GRIP2: variants seen among roughly 807,000 people sequenced by gnomAD.
GRIP2 encodes the protein glutamate receptor interacting protein 2.
Under a neutral mutation model 108.3 loss-of-function variants are expected in GRIP2, and 58 were observed. That is an observed-to-expected ratio of 0.54 (90% CI 0.43 to 0.67). The LOEUF (loss-of-function observed/expected upper bound fraction) is 0.67. Among genes scored for constraint, GRIP2 ranks in the 30% least tolerant of loss-of-function variants. GRIP2 has a pLI of 0.00. For missense variants in GRIP2, 1,278 were observed against 1,430.6 expected (o/e 0.89, Z 1.72); for synonymous variants, 586 against 598.2 (o/e 0.98, Z 0.30).
At chr3:14,545,011 G>A (rs978036403), upstream of GRIP2, among the ~76,000 whole-genome samples, 1 of 152,186 alleles carries the variant, frequency 6.6e-6, no homozygotes, top group African/African-American at 2.4e-5. Flanking sequence ...GCCCCAAGCT[G>A]TGAGCCTCAG....
intron 10 of GRIP2, among the ~76,000 whole-genome samples, chr3:14,517,446 C>T (rs938898570): frequency 1.4e-5 from 2 of 147,724 alleles, no homozygotes; most frequent in Non-Finnish European, 3.0e-5. Context: ...GCCAATCTTG[C>T]CACTGGCATG....
rs1003091022 is a variant in GRIP2 at position 14,522,591 on chromosome 3, G to T, written c.566+409C>A. 4.2e-5 allele frequency: 7 copies of T among 166,312 alleles called. No individual in the cohort carries two copies. The highest frequency in any genetic ancestry group is 1.7e-4 in the African/African-American group (7 of 41,726). 10.3% of individuals were successfully genotyped at this position (166,312 alleles called of 1,614,324 possible). On this transcript the variant is annotated intron_variant, in intron 6 of 23. Transcript: ENST00000621039. This position sits in a 1 kb window ranked among gnomAD's most constrained non-coding sequence, Gnocchi z 4.3. ...CCCTTCTGGGCTGGGCCCAGGCGGGGCCGAGCTGGGTCGATCAGCCAGGAC... is the reference window on the plus strand; with the variant it reads ...CCCTTCTGGGCTGGGCCCAGGCGGGTCCGAGCTGGGTCGATCAGCCAGGAC...
Position 14,511,070 on chromosome 3 carries a change from C to G in GRIP2, c.1933+95G>C. Reference sequence around the variant, plus strand: ...CCTTCAGCAGCGCCCACCACCCTCCCTTCCTCGGCTGGAGGGAGCCCTGAA... The same window carrying G: ...CCTTCAGCAGCGCCCACCACCCTCCGTTCCTCGGCTGGAGGGAGCCCTGAA... On this transcript the variant is annotated intron_variant, in intron 16 of 23. Transcript: ENST00000621039. This position sits in a 1 kb window ranked among gnomAD's most constrained non-coding sequence, Gnocchi z 4.1. 2.1e-6 allele frequency: 3 copies of G among 1,445,600 alleles called. No individual in the cohort carries two copies. In the African/African-American group the frequency reaches 4.2e-5, roughly 20 times the overall value. 89.5% of individuals were successfully genotyped at this position (1,445,600 alleles called of 1,614,324 possible). A position where few individuals can be genotyped will look rare whatever the true frequency, so the allele number is the denominator to read the frequency against.
At chr3:14,494,066 C>T (rs1693501119) in intron 23 of GRIP2, among the ~76,000 whole-genome samples, 1 of 152,210 alleles carries the variant, frequency 6.6e-6, no homozygotes, top group Admixed American at 6.5e-5. Flanking sequence ...ACCCCTCTAA[C>T]TCTTGCTTTT....
intron 17 of GRIP2, 111 bp downstream of exon 17, chr3:14,509,709 G>A: frequency 3.6e-6 from 4 of 1,114,724 alleles, no homozygotes; most frequent in Non-Finnish European, 4.7e-6. Context: ...GTCACCCACA[G>A]TGTCAATGTT....
intron 1 of GRIP2, among the ~76,000 whole-genome samples, chr3:14,526,260 T>C (rs1208318379): frequency 1.3e-5 from 2 of 152,224 alleles, no homozygotes; most frequent in African/African-American, 2.4e-5. Context: ...ATAAGGAAGC[T>C]GGGGCTCAGA....
chr3:14,561,836 T>G, the GRIP2 span, among the ~76,000 whole-genome samples: 62,894 of 152,010 alleles, frequency 0.41, 14,056 homozygotes, highest in African/African-American at 0.59. Flanking sequence ...GGAGGCTGGG[T>G]GCAGACCCTC....
intron 4 of GRIP2, 177 bp from the exon 5 acceptor site, chr3:14,523,875 T>A (rs1694479656): frequency 5.0e-6 from 3 of 598,984 alleles, no homozygotes; most frequent in Non-Finnish European, 6.0e-6. Context: ...TCTCCCCTAA[T>A]CCCACTTAGC....
At chr3:14,591,735 G>A in the GRIP2 span, among the ~76,000 whole-genome samples, 4 of 152,144 alleles carry the variant, frequency 2.6e-5, no homozygotes, top group African/African-American at 9.7e-5. Flanking sequence ...GAAAGCTGTG[G>A]GCCCTCTATC....
chr3:14,555,488 C>T (rs1400226403), intron 1 of GRIP2, among the ~76,000 whole-genome samples: 9 of 151,928 alleles, frequency 5.9e-5, no homozygotes. Flanking sequence ...CAGAGACAGA[C>T]AGAGTGGGAG....
chr3:14,525,534 T>C lies in GRIP2; in HGVS notation c.160A>G (p.Lys54Glu), dbSNP rs778947755. The change falls in exon 3 of 24, where the codon AAA becomes GAA. Residue 54 changes from lysine (K) to glutamate (E), a missense_variant. Lys to Glu is a moderately conservative substitution (Grantham distance 56, BLOSUM62 1). Transcript: ENST00000621039. ...GTCAGGCCCAGCGTGCTGCCTTCTT[T>C]CTTGATCAGCTCCACCACAGTGATC... ...RGITVVELIK[K>E]EGSTLGLTIS... 78 of 1,613,734 alleles carry C rather than the reference T, an allele frequency of 4.8e-5. No homozygotes were observed. The highest frequency in any genetic ancestry group is 6.5e-5 in the Non-Finnish European group (77 of 1,179,866).
chr3:14,582,982 C>A, the GRIP2 span, among the ~76,000 whole-genome samples: 1 of 152,198 alleles, frequency 6.6e-6, no homozygotes, highest in African/African-American at 2.4e-5. Context: ...GTGAACAAGT[C>A]TTAACAACAA....
intron 3 of GRIP2, among the ~76,000 whole-genome samples, chr3:14,524,872 C>A (rs956011655): frequency 2.0e-5 from 3 of 152,246 alleles, no homozygotes; most frequent in African/African-American, 7.2e-5. Context: ...ACCAACCTTC[C>A]TGCTGTTCAA....
the GRIP2 span, among the ~76,000 whole-genome samples, chr3:14,598,572 A>G: frequency 6.6e-6 from 1 of 151,548 alleles, no homozygotes; most frequent in South Asian, 2.1e-4. Context: ...ACTCCCTACT[A>G]CCATCTCTAT....
chr3:14,563,015 A>T, the GRIP2 span, among the ~76,000 whole-genome samples: 1 of 151,136 alleles, frequency 6.6e-6, no homozygotes, highest in African/African-American at 2.5e-5. Flanking sequence ...GAGTGGGGGA[A>T]AAAAAAAAGG....
chr3:14,524,268 G>T, intron 4 of GRIP2, 125 bp downstream of exon 4: 2 of 1,133,012 alleles, frequency 1.8e-6, no homozygotes, highest in Non-Finnish European at 2.5e-6. Flanking sequence ...GATGCTTGTG[G>T]CCAGTCTCCA....
intron 20 of GRIP2, chr3:14,504,031 G>C (rs1195262766): frequency 3.6e-6 from 1 of 274,598 alleles, no homozygotes; most frequent in Non-Finnish European, 7.0e-6. Context: ...GACGGCCCCT[G>C]GCCCCACCCA....
intron 3 of GRIP2, among the ~76,000 whole-genome samples, chr3:14,524,967 G>A (rs73132034): frequency 1.2e-4 from 18 of 152,344 alleles, no homozygotes; most frequent in African/African-American, 4.3e-4. Context: ...CAGTCCAAGG[G>A]AGCCACAGGG....
In GRIP2 at chr3:14,505,171, G is replaced by C. The variant is rs1009968904; in HGVS notation, c.2573+444C>G. Among the ~76,000 whole-genome samples, 7 of 152,142 alleles carry C rather than the reference G, an allele frequency of 4.6e-5. No homozygotes were observed. Among genetic ancestry groups the C allele is most frequent in the Non-Finnish European group, 1.0e-4 (7 of 68,032 alleles). ...GGGAGGGTGGCCTGGGCCAGATGAG[G>C]AACAGCATTTCTCCACAGCCTGCTC... On this transcript the variant is annotated intron_variant, in intron 20 of 23. Coordinates refer to ENST00000621039, the MANE Select transcript of GRIP2 (RefSeq NM_001080423.4). This position sits in a 1 kb window ranked among gnomAD's most constrained non-coding sequence, Gnocchi z 4.2.
Sources: gnomAD v4.1 joint callset for allele counts (sites outside exome capture counted in the v4.1 genomes callset) on GRCh38, gnomAD v4.1.1 for gene constraint, Gnocchi (gnomAD v3.1) non-coding constraint, MANE v1.5 for transcripts, NCBI Gene and HGNC (gene_info 2026-07-23, HGNC 2026-07-21) for gene names.